RBFOX1: variants seen among roughly 807,000 people sequenced by gnomAD.
RBFOX1 encodes RNA binding protein fox-1 homolog 1.
Under a neutral mutation model 57.7 loss-of-function variants are expected in RBFOX1, and 8 were observed. That is an observed-to-expected ratio of 0.14 (90% CI 0.08 to 0.25). The LOEUF is 0.25. RBFOX1 is among the 10% of genes least tolerant of loss of function. The probability of loss-of-function intolerance (pLI) is 1.00; values close to 1 mark genes in which losing one functional copy is unlikely to be tolerated. For synonymous variants in RBFOX1, 326 were observed against 222.4 expected (o/e 1.47, Z -4.15); for missense variants, 611 against 548.5 (o/e 1.11, Z -1.14).
At chr16:7,005,651 A>C (rs141452614) in intron 3 of RBFOX1, among the ~76,000 whole-genome samples, 1 of 152,172 alleles carries the variant, frequency 6.6e-6, no homozygotes, top group African/African-American at 2.4e-5. Context: ...TGCCTGTTGA[A>C]CACAAACAAT....
At chr16:5,260,292 A>G (rs1055505148) in intron 1 of RBFOX1, among the ~76,000 whole-genome samples, 4 of 152,192 alleles carry the variant, frequency 2.6e-5, no homozygotes, top group African/African-American at 9.6e-5. Flanking sequence ...AAAAAGAGAG[A>G]GAAATCACCC....
chr16:5,968,966 C>G (rs1029120224), intron 4 of RBFOX1, among the ~76,000 whole-genome samples: 9 of 151,996 alleles, frequency 5.9e-5, no homozygotes, highest in Admixed American at 5.2e-4. Flanking sequence ...TATTTTCTCC[C>G]TTTTCTCTTT....
intron 3 of RBFOX1, among the ~76,000 whole-genome samples, chr16:6,884,479 C>G (rs1313984007): frequency 5.3e-5 from 8 of 152,168 alleles, no homozygotes; most frequent in Non-Finnish European, 8.8e-5. Flanking sequence ...TGGCTACAAA[C>G]TGTTAAGTAC....
intron 4 of RBFOX1, among the ~76,000 whole-genome samples, chr16:7,454,847 T>G (rs2058170641): frequency 6.6e-6 from 1 of 152,230 alleles, no homozygotes; most frequent in Non-Finnish European, 1.5e-5. Flanking sequence ...AGGATGGACC[T>G]AGGCGAGTTA....
intron 2 of RBFOX1, among the ~76,000 whole-genome samples, chr16:6,532,258 G>A (rs961248715): frequency 6.6e-6 from 1 of 152,090 alleles, no homozygotes; most frequent in African/African-American, 2.4e-5. Flanking sequence ...CATAAAATGG[G>A]GGAGCTGTAA....
At chr16:6,572,975 C>T (rs914608665) in intron 2 of RBFOX1, among the ~76,000 whole-genome samples, 6 of 152,124 alleles carry the variant, frequency 3.9e-5, no homozygotes, top group East Asian at 1.9e-4. Context: ...TACCTTCCCT[C>T]GGGGACCTTG....
At chr16:7,702,919 G>A (rs2081239619) in intron 14 of RBFOX1, among the ~76,000 whole-genome samples, 1 of 152,212 alleles carries the variant, frequency 6.6e-6, no homozygotes. Flanking sequence ...TGAGTGGGAT[G>A]AGAATCACTT....
chr16:5,937,922 A>C (rs2059199709), intron 4 of RBFOX1, among the ~76,000 whole-genome samples: 1 of 152,000 alleles, frequency 6.6e-6, no homozygotes, highest in Non-Finnish European at 1.5e-5. Flanking sequence ...TTTCTTATCG[A>C]TGTCAAATAT....
intron 1 of RBFOX1, among the ~76,000 whole-genome samples, chr16:6,219,668 A>G (rs576455526): frequency 9.9e-5 from 15 of 152,278 alleles, no homozygotes; most frequent in African/African-American, 3.6e-4. Context: ...TGAGGTCAGG[A>G]GTTCAAGACC....
intron 1 of RBFOX1, among the ~76,000 whole-genome samples, chr16:6,206,528 C>A (rs775850070): frequency 6.6e-6 from 1 of 152,192 alleles, no homozygotes; most frequent in Non-Finnish European, 1.5e-5. Context: ...ATCTGTCCTC[C>A]TTGTCCCTAT....
intron 3 of RBFOX1, among the ~76,000 whole-genome samples, chr16:5,768,421 T>G (rs571666754): frequency 1.3e-5 from 2 of 152,334 alleles, no homozygotes; most frequent in South Asian, 2.1e-4. Context: ...CCTCACTGTT[T>G]AGACCCCCTT....
chr16:6,771,454 A>G (rs1218775393), intron 3 of RBFOX1, among the ~76,000 whole-genome samples: 1 of 152,076 alleles, frequency 6.6e-6, no homozygotes, highest in Non-Finnish European at 1.5e-5. Context: ...GTCTTCTTAG[A>G]TATGATCCAG....
intron 3 of RBFOX1, among the ~76,000 whole-genome samples, chr16:5,606,604 C>A (rs192347239): frequency 1.3e-5 from 2 of 152,228 alleles, no homozygotes; most frequent in South Asian, 4.1e-4. Context: ...TCAAACCGTG[C>A]CCTCAAAGCG....
At chr16:6,964,553 G>A (rs1007424461) in intron 3 of RBFOX1, among the ~76,000 whole-genome samples, 1 of 152,184 alleles carries the variant, frequency 6.6e-6, no homozygotes, top group African/African-American at 2.4e-5. Context: ...TGTGGGGCCA[G>A]TGAGGGTATA....
chr16:6,114,145 A>G (rs1404624379), intron 1 of RBFOX1, among the ~76,000 whole-genome samples: 2 of 152,146 alleles, frequency 1.3e-5, no homozygotes, highest in Non-Finnish European at 2.9e-5. Context: ...GTTTTGTGTT[A>G]TTACAGAATG....
chr16:6,289,053 C>G (rs1599230954), intron 1 of RBFOX1, among the ~76,000 whole-genome samples: 2 of 152,142 alleles, frequency 1.3e-5, no homozygotes, highest in East Asian at 3.9e-4. Flanking sequence ...TTTTTACCAA[C>G]TATGCCCTTG....
At chr16:6,740,364 A>T (rs28840987) in intron 3 of RBFOX1, among the ~76,000 whole-genome samples, 1 of 152,228 alleles carries the variant, frequency 6.6e-6, no homozygotes, top group South Asian at 2.1e-4. Context: ...CACCACTGCT[A>T]TTCAACATAG....
intron 1 of RBFOX1, among the ~76,000 whole-genome samples, chr16:6,119,301 G>T (rs867483417): frequency 6.6e-6 from 1 of 152,106 alleles, no homozygotes; most frequent in Non-Finnish European, 1.5e-5. Context: ...TTGACCCTGA[G>T]TAGAATGAAT....
chr16:6,508,277 C>G (rs1018270648), intron 2 of RBFOX1, among the ~76,000 whole-genome samples: 2 of 152,084 alleles, frequency 1.3e-5, no homozygotes, highest in African/African-American at 4.8e-5. Flanking sequence ...AGCCTTATTA[C>G]CTGGGTGATG....
Sources: gnomAD v4.1 joint callset for allele counts (sites outside exome capture counted in the v4.1 genomes callset) on GRCh38, gnomAD v4.1.1 for gene constraint, MANE v1.5 for transcripts, NCBI Gene and HGNC (gene_info 2026-07-23, HGNC 2026-07-21) for gene names.